The following AFP variants were observed in gnomAD, a reference collection of about 807,000 sequenced individuals.
AFP encodes alpha fetoprotein.
In AFP, 64 loss-of-function variants were observed where a neutral mutation model predicts 78.9. The ratio of observed to expected loss-of-function variants is 0.81; its 90% CI spans 0.66 to 1.00. The LOEUF (loss-of-function observed/expected upper bound fraction) is 1.00. Ranked by LOEUF, AFP falls within the 50% of genes least tolerant of loss-of-function variation. The pLI is 0.00. For missense variants in AFP, 689 were observed against 703.8 expected, an observed-to-expected ratio of 0.98 and a Z score of 0.24; for synonymous variants, 254 against 243.8, an observed-to-expected ratio of 1.04 and a Z score of -0.39.
intron 5 of AFP, 81 bp downstream of exon 5, chr4:73,442,509 T>G (rs1258556090): frequency 9.9e-6 from 15 of 1,517,464 alleles, no homozygotes; most frequent in Non-Finnish European, 1.3e-5. Context: ...AATGAAAACG[T>G]GCTTAATTGT....
intron 13 of AFP, among the ~76,000 whole-genome samples, chr4:73,455,025 T>C (rs933067430): frequency 3.9e-5 from 6 of 152,178 alleles, no homozygotes; most frequent in Admixed American, 3.9e-4. Context: ...GATTTGGAGA[T>C]TGTTATAGAA....
chr4:73,439,831 T>C (rs893807128), intron 3 of AFP, among the ~76,000 whole-genome samples: 4 of 152,156 alleles, frequency 2.6e-5, no homozygotes, highest in Non-Finnish European at 4.4e-5. Context: ...TTCAAAATCA[T>C]TTTTATTTAT....
In AFP at chr4:73,449,403, G is replaced by T. The variant is rs763433563; in HGVS notation, c.1127G>T (p.Gly376Val). ...TCAGTAATTCTAAGAGTTGCTAAAGGATACCAGGAGTTATTGGAGAAGTGT... is the reference window on the plus strand; with the variant it reads ...TCAGTAATTCTAAGAGTTGCTAAAGTATACCAGGAGTTATTGGAGAAGTGT... ...AVSVILRVAK[G>V]YQELLEKCFQ... The change falls in exon 9 of 15, where the codon GGA becomes GTA. Residue 376 changes from glycine (G) to valine (V), a missense_variant. Coordinates refer to ENST00000395792, the MANE Select transcript of AFP (RefSeq NM_001134.3). 1 of 1,613,552 alleles carries T rather than the reference G, an allele frequency of 6.2e-7. No individual in the cohort carries two copies. Among genetic ancestry groups the T allele is most frequent in the Non-Finnish European group, 8.5e-7 (1 of 1,179,638 alleles).
chr4:73,450,582 C>T (rs1205829618), intron 10 of AFP, 33 bp from the exon 11 acceptor site: 3 of 1,613,970 alleles, frequency 1.9e-6, no homozygotes, highest in South Asian at 2.2e-5. Context: ...ATGAATGACT[C>T]AGCAGGACTT....
Position 73,455,887 on chromosome 4 carries a change from T to C in AFP, c.*267T>C, listed in dbSNP as rs149323976. 5.7e-4 allele frequency: 288 copies of C among 509,038 alleles called. 1 individual carries two copies. The East Asian group carries it at 9.4e-3, about 17-fold the overall frequency. 31.5% of individuals were successfully genotyped at this position (509,038 alleles called of 1,614,324 possible). On this transcript the variant is annotated 3_prime_UTR_variant, in exon 15 of 15. Coordinates refer to ENST00000395792, the MANE Select transcript of AFP (RefSeq NM_001134.3). ...AAATAGCATTAAGTGTTGGTTATTA[T>C]AGGAGATTAAAGCTATCCAAGGATG...
At position 73,440,147 on chromosome 4, in the gene AFP, C is replaced by T. The variant is rs549560754; in HGVS notation, c.271-455C>T. On this transcript the variant is annotated intron_variant, in intron 3 of 14. Coordinates refer to ENST00000395792, the MANE Select transcript of AFP (RefSeq NM_001134.3). ...GTGGCATGGTGGTTTGCTGCACCTA[C>T]CAACCTGTTGCCTGGGTATTAAGCC... Among the ~76,000 whole-genome samples, 79 of 152,170 alleles carry T rather than the reference C, an allele frequency of 5.2e-4. No homozygotes were observed. In the South Asian group the frequency reaches 0.016, roughly 30 times the overall value.
intron 3 of AFP, among the ~76,000 whole-genome samples, 160 bp downstream of exon 3, chr4:73,438,466 A>T (rs972438707): frequency 1.3e-5 from 2 of 152,186 alleles, no homozygotes; most frequent in Non-Finnish European, 2.9e-5. Context: ...AGAGGGCAGA[A>T]GAGAACAATA....
chr4:73,453,259 A>G (rs1288964953), intron 12 of AFP, among the ~76,000 whole-genome samples: 3 of 152,204 alleles, frequency 2.0e-5, no homozygotes, highest in African/African-American at 7.2e-5. Flanking sequence ...ACAGTATGAT[A>G]AGAATGTTGC....
At chr4:73,452,762 T>C (rs2149337002) in intron 12 of AFP, 138 bp downstream of exon 12, 1 of 779,630 alleles carries the variant, frequency 1.3e-6, no homozygotes, top group Non-Finnish European at 2.2e-6. Flanking sequence ...CCTTTGAAAA[T>C]AGTTTTGTCT....
rs753143931 is a variant in AFP at position 73,447,588 on chromosome 4, G to T, written c.970G>T (p.Glu324Ter). The T allele has an allele frequency of 6.2e-7, 1 of 1,612,418 alleles. No individual in the cohort carries two copies. Among genetic ancestry groups the T allele is most frequent in the Admixed American group, 1.7e-5 (1 of 60,004 alleles). The stretch of plus-strand genomic sequence containing the variant: ...TCATGCAGAAAATGATGAAAAACCT[G>T]AAGGTCTATCTCCAAATCTAAACAG... ...IIHAENDEKP[E>*]GLSPNLNRFL... The change falls in exon 8 of 15, where the codon GAA (glutamate) becomes TAA (stop). Residue 324 changes from glutamate to a stop codon, truncating the protein, a stop_gained. Transcript: ENST00000395792. LOFTEE classifies it high-confidence loss of function.
intron 7 of AFP, among the ~76,000 whole-genome samples, chr4:73,445,611 G>C (rs138167813): frequency 3.9e-5 from 6 of 152,240 alleles, no homozygotes; most frequent in African/African-American, 1.4e-4. Context: ...GACTGCCTTG[G>C]TTTACTGTTA....
intron 11 of AFP, among the ~76,000 whole-genome samples, chr4:73,451,900 T>C (rs1720002251): frequency 6.6e-6 from 1 of 152,214 alleles, no homozygotes; most frequent in Non-Finnish European, 1.5e-5. Context: ...ATTAGGAAAG[T>C]CTTAAAAACC....
intron 11 of AFP, 135 bp downstream of exon 11, chr4:73,450,888 G>T: frequency 1.4e-6 from 2 of 1,433,610 alleles, no homozygotes; most frequent in Non-Finnish European, 9.7e-7. Context: ...ATTAGTCACG[G>T]TTGGAGGGGT....
chr4:73,447,493 A>G lies in AFP; in HGVS notation c.875A>G (p.Gln292Arg). 6.2e-7 allele frequency: 1 copy of G among 1,611,908 alleles called. No homozygotes were observed. The highest frequency in any genetic ancestry group is 8.5e-7 in the Non-Finnish European group (1 of 1,179,122). ...EKIMSYICSQ[Q>R]DTLSNKITEC... ...ATCATGTCCTACATATGTTCTCAAC[A>G]AGACACTCTGTCAAACAAAATAACA... Residue 292 changes from glutamine to arginine, a missense_variant, in exon 8 of 15, where the codon CAA becomes CGA. Coordinates refer to ENST00000395792, the MANE Select transcript of AFP (RefSeq NM_001134.3).
At chr4:73,452,341 G>T in intron 11 of AFP, 60 bp from the exon 12 acceptor site, 1 of 1,441,060 alleles carries the variant, frequency 6.9e-7, no homozygotes, top group South Asian at 1.2e-5. Flanking sequence ...CTGAAAAACT[G>T]AACCAACTTT....
At chr4:73,441,351 G>A (rs1371636235) in intron 4 of AFP, among the ~76,000 whole-genome samples, 1 of 151,840 alleles carries the variant, frequency 6.6e-6, no homozygotes, top group Non-Finnish European at 1.5e-5. Flanking sequence ...CGGATCACGA[G>A]GTCAGGAGAT....
chr4:73,450,505 G>C, intron 10 of AFP, 110 bp from the exon 11 acceptor site: 1 of 1,513,880 alleles, frequency 6.6e-7, no homozygotes, highest in Non-Finnish European at 9.1e-7. Flanking sequence ...AAACAAACGA[G>C]CTGACCTCAT....
At chr4:73,440,091 G>A (rs1331659806) in intron 3 of AFP, among the ~76,000 whole-genome samples, 1 of 152,002 alleles carries the variant, frequency 6.6e-6, no homozygotes, top group Non-Finnish European at 1.5e-5. Flanking sequence ...TACACGGGCA[G>A]GATGAGCAGG....
intron 7 of AFP, 150 bp from the exon 8 acceptor site, chr4:73,447,312 C>A: frequency 2.1e-6 from 1 of 470,222 alleles, no homozygotes; most frequent in South Asian, 3.7e-5. Flanking sequence ...CTCTATTTCC[C>A]TTTCCCCTTC....
Sources: allele counts gnomAD v4.1 joint callset (sites outside exome capture counted in the v4.1 genomes callset), GRCh38; gene constraint gnomAD v4.1.1; transcripts MANE v1.5; gene names NCBI Gene and HGNC (gene_info 2026-07-23, HGNC 2026-07-21).